The following ROR2 variants were observed in gnomAD, a reference collection of about 807,000 sequenced individuals.
The protein encoded by ROR2 is tyrosine-protein kinase transmembrane receptor ROR2.
A neutral mutation model predicts 74.9 loss-of-function variants in ROR2; 33 were observed. The observed-to-expected ratio is 0.44, with a 90% CI of 0.33 to 0.59. The LOEUF is 0.59. ROR2 is among the 20% of genes least tolerant of loss of function. ROR2 has a pLI of 0.02. For synonymous variants in ROR2, 586 were observed against 558.7 expected (o/e 1.05, Z -0.69); for missense variants, 1,216 against 1,313.8 (o/e 0.93, Z 1.15).
At chr9:91,812,214 C>G (rs1238610087) in intron 1 of ROR2, among the ~76,000 whole-genome samples, 2 of 152,228 alleles carry the variant, frequency 1.3e-5, no homozygotes, top group African/African-American at 4.8e-5. Flanking sequence ...CTGCTGAAAT[C>G]TACACAATCC....
intron 1 of ROR2, among the ~76,000 whole-genome samples, chr9:91,825,556 G>C (rs1828260661): frequency 1.3e-5 from 2 of 152,186 alleles, no homozygotes; most frequent in Admixed American, 6.5e-5. Context: ...ACCCAGGCAG[G>C]GGGAGAAGGT....
Position 91,855,598 on chromosome 9 carries a change from CA to C in ROR2, c.98-79781del, listed in dbSNP as rs111643874. Among the ~76,000 whole-genome samples the C allele has an allele frequency of 9.3e-3, 1,419 of 152,260 alleles. 26 individuals carry two copies. The highest frequency in any genetic ancestry group is 0.032 in the African/African-American group (1,325 of 41,546). On this transcript the variant is annotated intron_variant, in intron 1 of 8. Coordinates refer to ENST00000375708, the MANE Select transcript of ROR2 (RefSeq NM_004560.4). ...GCATCTTAGAGAAGGAAGGGACACC[CA>C]GGGGCAATCAGCCTGCCTTTGCTGG...
At chr9:91,833,711 G>A (rs1183119094) in intron 1 of ROR2, among the ~76,000 whole-genome samples, 1 of 152,066 alleles carries the variant, frequency 6.6e-6, no homozygotes, top group Non-Finnish European at 1.5e-5. Context: ...CTCAGCCCCC[G>A]AGAGCTCCCT....
At chr9:91,799,311 C>T (rs978897863) in intron 1 of ROR2, among the ~76,000 whole-genome samples, 4 of 152,144 alleles carry the variant, frequency 2.6e-5, no homozygotes, top group African/African-American at 4.8e-5. Flanking sequence ...AATCCAGGGA[C>T]GCTGCTCACT....
At chr9:91,737,786 T>C (rs573951747) in intron 4 of ROR2, among the ~76,000 whole-genome samples, 12 of 152,162 alleles carry the variant, frequency 7.9e-5, no homozygotes, top group Admixed American at 6.5e-4. Context: ...ATCCAGACAC[T>C]GGTATTATTT....
chr9:91,929,879 G>A lies in ROR2; in HGVS notation c.97+19988C>T, dbSNP rs150081795. On this transcript the variant is annotated intron_variant, in intron 1 of 8. Coordinates refer to ENST00000375708, the MANE Select transcript of ROR2 (RefSeq NM_004560.4). ...TCCTGAGTACCACAGAGTTTTCCCC[G>A]GGACCTGACTCCCACATCATTGAAC... 2.6e-3 allele frequency among the ~76,000 whole-genome samples: 397 copies of A among 152,204 alleles called. 2 individuals carry two copies. Among genetic ancestry groups the A allele is most frequent in the Middle Eastern group, 0.017 (5 of 294 alleles).
chr9:91,800,168 C>A (rs954301079), intron 1 of ROR2, among the ~76,000 whole-genome samples: 1 of 152,006 alleles, frequency 6.6e-6, no homozygotes, highest in Non-Finnish European at 1.5e-5. Context: ...ATGGTGAAAC[C>A]CTGTCTCTAC....
intron 1 of ROR2, among the ~76,000 whole-genome samples, chr9:91,828,919 G>A (rs1160297223): frequency 1.3e-5 from 2 of 152,114 alleles, no homozygotes; most frequent in Non-Finnish European, 2.9e-5. Flanking sequence ...TTTGAGTTTG[G>A]TATAGACATT....
intron 1 of ROR2, among the ~76,000 whole-genome samples, chr9:91,819,580 GTC>G (rs1434616066): frequency 6.6e-6 from 1 of 151,318 alleles, no homozygotes; most frequent in East Asian, 1.9e-4. Flanking sequence ...TATTCTGTGT[GTC>G]TCTGAGTGTT....
intron 7 of ROR2, among the ~76,000 whole-genome samples, chr9:91,729,636 G>A (rs976343606): frequency 1.3e-5 from 2 of 152,278 alleles, no homozygotes; most frequent in Admixed American, 6.5e-5. Flanking sequence ...CTCTTTATCC[G>A]CGGGTGCCCA....
intron 1 of ROR2, among the ~76,000 whole-genome samples, chr9:91,937,890 T>C (rs1831744471): frequency 6.6e-6 from 1 of 152,092 alleles, no homozygotes; most frequent in African/African-American, 2.4e-5. Flanking sequence ...ATTTTTCATT[T>C]TTATTTTTGT....
chr9:91,731,275 G>A (rs796215414), intron 6 of ROR2, 120 bp from the exon 7 acceptor site: 1 of 1,420,996 alleles, frequency 7.0e-7, no homozygotes, highest in Non-Finnish European at 9.8e-7. Context: ...CCAGAAAAGA[G>A]GCATTAAAAG....
intron 6 of ROR2, among the ~76,000 whole-genome samples, chr9:91,732,146 C>T (rs1837264667): frequency 6.6e-6 from 1 of 152,176 alleles, no homozygotes; most frequent in South Asian, 2.1e-4. Context: ...CCAGATTAGC[C>T]AACGATGCTA....
At chr9:91,773,164 G>A (rs777781438) in intron 2 of ROR2, among the ~76,000 whole-genome samples, 1 of 152,138 alleles carries the variant, frequency 6.6e-6, no homozygotes, top group Non-Finnish European at 1.5e-5. Flanking sequence ...CCCCGCCCCA[G>A]GCCCACAAGG....
At chr9:91,902,059 A>G (rs971968688) in intron 1 of ROR2, among the ~76,000 whole-genome samples, 2 of 151,966 alleles carry the variant, frequency 1.3e-5, no homozygotes, top group Admixed American at 6.6e-5. Context: ...TAACATTCCT[A>G]TTTTTCAGAT....
intron 1 of ROR2, among the ~76,000 whole-genome samples, chr9:91,928,378 A>C (rs1016497656): frequency 5.9e-5 from 9 of 152,218 alleles, no homozygotes; most frequent in Non-Finnish European, 8.8e-5. Flanking sequence ...AATGTAAATA[A>C]CAAAATCTTT....
chr9:91,772,428 T>G (rs1826261827), intron 2 of ROR2, among the ~76,000 whole-genome samples: 1 of 152,156 alleles, frequency 6.6e-6, no homozygotes, highest in Non-Finnish European at 1.5e-5. Context: ...CTGAGAGCAG[T>G]GCCATGCCCA....
intron 7 of ROR2, among the ~76,000 whole-genome samples, chr9:91,726,991 C>G (rs1241497044): frequency 2.0e-5 from 3 of 152,158 alleles, no homozygotes; most frequent in Admixed American, 1.3e-4. Flanking sequence ...CGGGAATATG[C>G]AGTATAAAAA....
chr9:91,779,520 A>C (rs1333598850), intron 1 of ROR2, among the ~76,000 whole-genome samples: 2 of 151,838 alleles, frequency 1.3e-5, no homozygotes, highest in Non-Finnish European at 2.9e-5. Context: ...GCAGGTGCCC[A>C]CCACCACGCC....
Sources: gnomAD v4.1 joint callset for allele counts (sites outside exome capture counted in the v4.1 genomes callset) on GRCh38, gnomAD v4.1.1 for gene constraint, MANE v1.5 for transcripts, NCBI Gene and HGNC (gene_info 2026-07-23, HGNC 2026-07-21) for gene names.